The following SNRPN variants were observed in gnomAD, a reference collection of about 807,000 sequenced individuals.
The protein encoded by SNRPN is small nuclear ribonucleoprotein polypeptide N.
SNRPN carries 7 observed loss-of-function variants against 25.2 expected under a neutral mutation model. The observed-to-expected ratio is 0.28, with a 90% CI of 0.16 to 0.52. The LOEUF (loss-of-function observed/expected upper bound fraction) is 0.52, where lower values mean the gene tolerates loss of function less well. Ranked by LOEUF, SNRPN falls within the 20% of genes least tolerant of loss-of-function variation. The probability of loss-of-function intolerance (pLI) is 0.96; values close to 1 mark genes in which losing one functional copy is unlikely to be tolerated. For synonymous variants in SNRPN, 124 were observed against 110.6 expected, an observed-to-expected ratio of 1.12 and a Z score of -0.76; for missense variants, 196 against 322.5, an observed-to-expected ratio of 0.61 and a Z score of 3.00.
intron 2 of SNRPN, among the ~76,000 whole-genome samples, chr15:24,891,552 CT>C (rs761758994): frequency 3.9e-5 from 6 of 152,136 alleles, no homozygotes; most frequent in Middle Eastern, 3.4e-3. Context: ...ATTCTCCTGC[CT>C]CACCCTCCCA....
intron 4 of SNRPN, 126 bp from the exon 5 acceptor site, chr15:24,975,232 G>A: frequency 1.4e-6 from 1 of 714,762 alleles, no homozygotes; most frequent in Middle Eastern, 2.4e-4. Flanking sequence ...TGGTGAAAAA[G>A]GAGAGAATAT....
At chr15:24,865,980 C>T (rs1417969312) in intron 1 of SNRPN, among the ~76,000 whole-genome samples, 1 of 152,054 alleles carries the variant, frequency 6.6e-6, no homozygotes, top group Non-Finnish European at 1.5e-5. Context: ...AAGTCACCGA[C>T]CGTAATAGTG....
rs2075905621 is a variant in SNRPN, at chr15:24,968,050, G to A, written c.-176G>A. ...AAGAGGTGGTTAAAGCCATATTGGA[G>A]TAGCGAGGAATCTGATTCCAAGCAA... On this transcript the variant is annotated 5_prime_UTR_variant, in exon 3 of 10. Coordinates refer to ENST00000390687, the MANE Select transcript of SNRPN (RefSeq NM_003097.6). The A allele has an allele frequency of 1.2e-6, 2 of 1,611,474 alleles. No homozygotes were observed. The highest frequency in any genetic ancestry group is 1.3e-5 in the African/African-American group (1 of 74,944).
At chr15:24,887,187 G>T (rs1404211685) in intron 2 of SNRPN, among the ~76,000 whole-genome samples, 3 of 128,520 alleles carry the variant, frequency 2.3e-5, no homozygotes, top group Admixed American at 9.3e-5. Context: ...TTGCTCTGTT[G>T]CCCAGACTGG....
At chr15:24,861,623 G>C (rs551658054) in intron 1 of SNRPN, among the ~76,000 whole-genome samples, 1 of 152,146 alleles carries the variant, frequency 6.6e-6, no homozygotes, top group Non-Finnish European at 1.5e-5. Context: ...CTATGGCATC[G>C]TGACAGCTTT....
At chr15:24,865,142 GT>G (rs2054451431) in intron 1 of SNRPN, among the ~76,000 whole-genome samples, 1 of 151,342 alleles carries the variant, frequency 6.6e-6, no homozygotes, top group Non-Finnish European at 1.5e-5. Flanking sequence ...TGCCTCCCAG[GT>G]TCAAGCGATT....
At chr15:24,884,146 T>TAAAAAAAAAAA (rs1194069483) in intron 1 of SNRPN, among the ~76,000 whole-genome samples, 1 of 30,530 alleles carries the variant, frequency 3.3e-5, no homozygotes, top group Non-Finnish European at 5.8e-5. Flanking sequence ...ACCCTGCCTC[T>TAAAAAAAAAAA]ACAAAAAAAA....
chr15:24,913,886 G>C (rs59085400), intron 2 of SNRPN, among the ~76,000 whole-genome samples: 1 of 152,150 alleles, frequency 6.6e-6, no homozygotes, highest in African/African-American at 2.4e-5. Context: ...GCAGAGAACC[G>C]TACATTTTTA....
At chr15:24,959,649 A>G (rs1025517543) in intron 1 of SNRPN, among the ~76,000 whole-genome samples, 5 of 152,138 alleles carry the variant, frequency 3.3e-5, no homozygotes, top group Non-Finnish European at 7.4e-5. Flanking sequence ...TAATTGTATT[A>G]TATTAAGGTA....
At chr15:24,833,807 G>A (rs2050762909) in intron 2 of SNRPN, among the ~76,000 whole-genome samples, 1 of 152,124 alleles carries the variant, frequency 6.6e-6, no homozygotes, top group South Asian at 2.1e-4. Context: ...ATCTCTTGGA[G>A]CTGACCTCAA....
At chr15:24,891,232 A>AT (rs1417660866) in intron 2 of SNRPN, among the ~76,000 whole-genome samples, 11 of 151,656 alleles carry the variant, frequency 7.3e-5, no homozygotes, top group East Asian at 1.9e-4. Context: ...TCAAAATGGC[A>AT]TTTTTTTTGA....
intron 1 of SNRPN, among the ~76,000 whole-genome samples, chr15:24,864,532 C>T (rs1291826177): frequency 6.6e-6 from 1 of 151,646 alleles, no homozygotes; most frequent in Non-Finnish European, 1.5e-5. Flanking sequence ...TTAGTAGAAA[C>T]GGGGTTTCGC....
chr15:24,932,744 G>C (rs1309167514), intron 3 of SNRPN, among the ~76,000 whole-genome samples: 1 of 151,882 alleles, frequency 6.6e-6, no homozygotes, highest in African/African-American at 2.4e-5. Flanking sequence ...TGGCCTCTCA[G>C]GTTCAAGTGG....
rs988145575 is a variant in SNRPN at position 24,975,343 on chromosome 15, T to A, written c.4-15T>A. On this transcript the variant is annotated splice_polypyrimidine_tract_variant and intron_variant, in intron 4 of 9. Transcript: ENST00000390687. ...GTTGGCAAGCTGAACATGACTCTTG[T>A]CTTACTGCTTCTAGACTGTTGGCAA... 18 of 1,609,338 alleles carry A rather than the reference T, an allele frequency of 1.1e-5. No homozygotes were observed. Among genetic ancestry groups the A allele is most frequent in the Non-Finnish European group, 1.5e-5 (18 of 1,176,708 alleles).
rs533955620 is a variant in SNRPN at position 24,879,319 on chromosome 15, C to G, written c.-578-7197C>G. On this transcript the variant is annotated intron_variant, in intron 1 of 11. Transcript: ENST00000400097. Reference sequence around the variant, plus strand: ...GGGGGTGGTGGTGTTCGCCTGTAGTCCTAGCTACTCGGGAGGCTGAGGCAG... The same window carrying G: ...GGGGGTGGTGGTGTTCGCCTGTAGTGCTAGCTACTCGGGAGGCTGAGGCAG... Among the ~76,000 whole-genome samples the G allele has an allele frequency of 3.9e-5, 6 of 151,982 alleles. No homozygotes were observed. The East Asian group carries it at 1.2e-3, about 30-fold the overall frequency.
intron 3 of SNRPN, among the ~76,000 whole-genome samples, chr15:24,945,659 T>C (rs1041555512): frequency 2.0e-5 from 3 of 152,160 alleles, no homozygotes; most frequent in Admixed American, 6.5e-5. Context: ...GCAAAGGCCA[T>C]GGGTGAAGAG....
At chr15:24,933,083 G>A (rs2060985738) in intron 3 of SNRPN, among the ~76,000 whole-genome samples, 1 of 152,094 alleles carries the variant, frequency 6.6e-6, no homozygotes, top group South Asian at 2.1e-4. Context: ...GCAACACAGG[G>A]AGACCTCTTC....
At chr15:24,858,801 G>A (rs565716451) in intron 1 of SNRPN, among the ~76,000 whole-genome samples, 51 of 152,128 alleles carry the variant, frequency 3.4e-4, no homozygotes, top group African/African-American at 1.2e-3. Flanking sequence ...ACTCTGTGGG[G>A]TATGATGAGG....
At chr15:24,936,534 A>G (rs1360749925) in intron 3 of SNRPN, among the ~76,000 whole-genome samples, 4 of 152,172 alleles carry the variant, frequency 2.6e-5, no homozygotes, top group African/African-American at 9.7e-5. Context: ...GAGCCTGGGT[A>G]ATTTATAAAG....
Sources: allele counts gnomAD v4.1 joint callset (sites outside exome capture counted in the v4.1 genomes callset), GRCh38; gene constraint gnomAD v4.1.1; transcripts MANE v1.5; gene names NCBI Gene and HGNC (gene_info 2026-07-23, HGNC 2026-07-21).